SPATA6L: variants seen among roughly 807,000 people sequenced by gnomAD.
The protein encoded by SPATA6L is spermatogenesis associated 6-like protein.
In SPATA6L, 68 loss-of-function variants were observed where a neutral mutation model predicts 49.2. The ratio of observed to expected loss-of-function variants is 1.38; its 90% CI spans 1.14 to 1.69. SPATA6L has a LOEUF of 1.69. SPATA6L is among the 40% of genes most tolerant of loss of function. SPATA6L has a pLI of 0.00. For missense variants in SPATA6L, 668 were observed against 464.3 expected (o/e 1.44, Z -4.03); for synonymous variants, 198 against 165.7 (o/e 1.19, Z -1.50).
chr9:4,646,518 G>A (rs1363894693), intron 3 of SPATA6L: 1 of 1,500,610 alleles, frequency 6.7e-7, no homozygotes, highest in African/African-American at 1.4e-5. Context: ...ATTCAAACCT[G>A]GCTAGGAAGC....
At chr9:4,640,567 GA>G (rs61080804) in intron 3 of SPATA6L, among the ~76,000 whole-genome samples, 491 of 145,896 alleles carry the variant, frequency 3.4e-3, no homozygotes, top group Admixed American at 5.1e-3. Context: ...GAAACTTTAA[GA>G]AAAAAAAAAA....
intron 3 of SPATA6L, 149 bp from the exon 4 acceptor site, chr9:4,635,548 T>G: frequency 1.5e-6 from 1 of 686,002 alleles, no homozygotes; most frequent in Admixed American, 4.3e-5. Context: ...GGAGACTAAT[T>G]TCTACTACTT....
intron 3 of SPATA6L, among the ~76,000 whole-genome samples, chr9:4,637,880 T>A (rs943095654): frequency 6.6e-6 from 1 of 152,186 alleles, no homozygotes; most frequent in African/African-American, 2.4e-5. Context: ...GTTTCCACAC[T>A]GTTAAAAAAA....
rs190027006 is a variant in SPATA6L, at chr9:4,660,290, A to G, written c.177+1609T>C. Among the ~76,000 whole-genome samples, 266 of 152,332 alleles carry G rather than the reference A, an allele frequency of 1.7e-3. 3 individuals carry two copies. Among genetic ancestry groups the G allele is most frequent in the African/African-American group, 6.0e-3 (251 of 41,580 alleles). ...TTTTGCAATCTACTCATCTGACAAA[A>G]GGGTTAATATCCAGAATCTACAAAG... On this transcript the variant is annotated intron_variant, in intron 2 of 11. Transcript: ENST00000682582.
intron 3 of SPATA6L, among the ~76,000 whole-genome samples, chr9:4,654,054 A>G (rs570330235): frequency 6.6e-6 from 1 of 152,238 alleles, no homozygotes; most frequent in Non-Finnish European, 1.5e-5. Flanking sequence ...AAATGTGTTC[A>G]ATATCATTAG....
chr9:4,629,236 T>C (rs77367025), intron 4 of SPATA6L, 68 bp from the exon 5 acceptor site: 6 of 1,097,720 alleles, frequency 5.5e-6, no homozygotes, highest in Middle Eastern at 4.0e-4. Context: ...TCCTTCTAAC[T>C]TGAAATCATA....
At chr9:4,656,840 T>A (rs1243870232) in intron 2 of SPATA6L, among the ~76,000 whole-genome samples, 1 of 152,234 alleles carries the variant, frequency 6.6e-6, no homozygotes, top group African/African-American at 2.4e-5. Context: ...ACTGAATGAA[T>A]GGTTTCTCTC....
In SPATA6L at chr9:4,629,164, A is replaced by T. The variant is rs535184747; in HGVS notation, c.356T>A (p.Ile119Asn). The change falls in exon 5 of 12, where the codon ATT (isoleucine) becomes AAT (asparagine). Residue 119 changes from isoleucine to asparagine, a missense_variant. Coordinates refer to ENST00000682582, the MANE Select transcript of SPATA6L (RefSeq NM_001353486.2). ...TGTAGAAAACTCTATTTTGGGAGCA[A>T]TGCCCTATAAAACAGCATAAAAAAA... ...LMKTALGFPG[I>N]APKIEFSTRT... The T allele has an allele frequency of 6.3e-7, 1 of 1,587,708 alleles. No homozygotes were observed. The highest frequency in any genetic ancestry group is 8.5e-7 in the Non-Finnish European group (1 of 1,173,472).
chr9:4,607,610 C>A (rs1226131237), intron 9 of SPATA6L, among the ~76,000 whole-genome samples: 5 of 151,952 alleles, frequency 3.3e-5, no homozygotes, highest in African/African-American at 1.2e-4. Context: ...ATTTTGTCAC[C>A]ACCAGGCCTG....
rs1162221255 is a variant in SPATA6L, at chr9:4,663,522, G to C, written c.40-1486C>G. On this transcript the variant is annotated intron_variant, in intron 1 of 11. Coordinates refer to ENST00000682582, the MANE Select transcript of SPATA6L (RefSeq NM_001353486.2). ...ATTCAACAACTGTTTATGTTTCCAG[G>C]ACAACTGCAAAGAAAACAAGCTGAG... is the stretch of plus-strand genomic sequence containing the variant. The C allele has an allele frequency of 2.4e-5, 10 of 418,588 alleles. No individual in the cohort carries two copies. In the Admixed American group the frequency reaches 3.2e-4, roughly 13 times the overall value. The allele number at this position is 418,588 out of a possible 1,614,324, so 25.9% of individuals were successfully genotyped here.
downstream of SPATA6L, chr9:4,596,343 G>A (rs1822257622): frequency 6.6e-6 from 1 of 152,152 alleles, no homozygotes; most frequent in South Asian, 2.1e-4. Flanking sequence ...AGTGAACAAA[G>A]GACGTCATCC....
At chr9:4,652,167 T>C (rs1837041721) in intron 3 of SPATA6L, among the ~76,000 whole-genome samples, 1 of 152,192 alleles carries the variant, frequency 6.6e-6, no homozygotes, top group Non-Finnish European at 1.5e-5. Context: ...ACGCCTGTAA[T>C]CCCAGCACTT....
In SPATA6L at chr9:4,618,767, C is replaced by G. The variant is rs149253649; in HGVS notation, c.807+97G>C. On this transcript the variant is annotated intron_variant, in intron 8 of 11. Transcript: ENST00000682582. Reference sequence around the variant, plus strand: ...ACTACAGCAATTCCACCTAAGCAGACTAACTAGAAATATCCACCACTGATT... The same window carrying G: ...ACTACAGCAATTCCACCTAAGCAGAGTAACTAGAAATATCCACCACTGATT... 11 of 1,125,254 alleles carry G rather than the reference C, an allele frequency of 9.8e-6. No individual in the cohort carries two copies. In the African/African-American group the frequency reaches 1.1e-4, roughly 11 times the overall value. 69.7% of individuals were successfully genotyped at this position (1,125,254 alleles called of 1,614,324 possible).
At chr9:4,646,304 C>T (rs1434427813) in intron 3 of SPATA6L, 2 of 395,496 alleles carry the variant, frequency 5.1e-6, no homozygotes, top group African/African-American at 4.2e-5. Context: ...AGTTATTATT[C>T]TGAAAATAGA....
chr9:4,617,773 G>T, intron 9 of SPATA6L, 150 bp downstream of exon 9: 1 of 635,658 alleles, frequency 1.6e-6, no homozygotes, highest in African/African-American at 1.8e-5. Context: ...CTGACTTTTG[G>T]GTAGATTTTA....
At chr9:4,607,597 G>C (rs1287126845) in intron 9 of SPATA6L, among the ~76,000 whole-genome samples, 1 of 152,048 alleles carries the variant, frequency 6.6e-6, no homozygotes, top group African/African-American at 2.4e-5. Context: ...CAAATGCTCA[G>C]AGATTTTGTC....
chr9:4,650,925 C>A (rs1445464953), intron 3 of SPATA6L, among the ~76,000 whole-genome samples: 2 of 151,896 alleles, frequency 1.3e-5, no homozygotes, highest in Admixed American at 6.6e-5. Flanking sequence ...TGGTCTTGAA[C>A]TCCTGAGCTC....
intron 3 of SPATA6L, among the ~76,000 whole-genome samples, chr9:4,638,292 A>T (rs1012195468): frequency 1.3e-5 from 2 of 151,938 alleles, no homozygotes; most frequent in African/African-American, 4.8e-5. Flanking sequence ...GCTCACTGCT[A>T]CCTCTGCCTC....
chr9:4,611,410 A>G (rs1264074873), intron 9 of SPATA6L, among the ~76,000 whole-genome samples: 1 of 149,214 alleles, frequency 6.7e-6, no homozygotes, highest in Non-Finnish European at 1.5e-5. Context: ...AATGTCCAAG[A>G]ATGATAGACT....
Sources: gnomAD v4.1 joint callset for allele counts (sites outside exome capture counted in the v4.1 genomes callset) on GRCh38, gnomAD v4.1.1 for gene constraint, MANE v1.5 for transcripts, NCBI Gene and HGNC (gene_info 2026-07-23, HGNC 2026-07-21) for gene names.